The following PCDH15 variants were observed in gnomAD, a reference collection of about 807,000 sequenced individuals.
The protein encoded by PCDH15 is protocadherin-15.
Under a neutral mutation model 178.5 loss-of-function variants are expected in PCDH15, and 129 were observed. The observed-to-expected ratio is 0.72, with a 90% CI of 0.63 to 0.84. The LOEUF (loss-of-function observed/expected upper bound fraction) is 0.84. Among genes scored for constraint, PCDH15 ranks in the 40% least tolerant of loss-of-function variants. The pLI is 0.00. For missense variants in PCDH15, 2,230 were observed against 2,099.9 expected (o/e 1.06, Z -1.21); for synonymous variants, 800 against 732.0 (o/e 1.09, Z -1.50).
intron 1 of PCDH15, among the ~76,000 whole-genome samples, chr10:54,720,089 C>T (rs1334429851): frequency 6.6e-6 from 1 of 151,920 alleles, no homozygotes; most frequent in Non-Finnish European, 1.5e-5. Flanking sequence ...CTTTTACACT[C>T]TTGGTGGGTA....
intron 3 of PCDH15, among the ~76,000 whole-genome samples, chr10:54,421,858 TATATACACACACTATATATATATATAC>T (rs1565231241): frequency 5.6e-5 from 5 of 89,986 alleles, no homozygotes; most frequent in African/African-American, 1.5e-4. Flanking sequence ...TATATATATA[TATATACACACACTATATATATATATAC>T]ACACACACAC....
chr10:53,970,806 C>T (rs2089602868), intron 21 of PCDH15, among the ~76,000 whole-genome samples: 1 of 151,968 alleles, frequency 6.6e-6, no homozygotes, highest in South Asian at 2.1e-4. Flanking sequence ...AATAGCCTAC[C>T]AACCAAAAAA....
intron 3 of PCDH15, among the ~76,000 whole-genome samples, chr10:54,421,708 A>C (rs1955389696): frequency 7.5e-6 from 1 of 133,230 alleles, no homozygotes; most frequent in Non-Finnish European, 1.6e-5. Flanking sequence ...ACACACACAC[A>C]CACTATATAT....
At chr10:54,166,937 C>A (rs992635115) in intron 13 of PCDH15, among the ~76,000 whole-genome samples, 3 of 152,172 alleles carry the variant, frequency 2.0e-5, no homozygotes, top group Admixed American at 1.3e-4. Context: ...CCCACTCCTG[C>A]CCGCCAGAGA....
chr10:54,711,325 T>C (rs1336394099), intron 1 of PCDH15, among the ~76,000 whole-genome samples: 1 of 152,006 alleles, frequency 6.6e-6, no homozygotes, highest in Non-Finnish European at 1.5e-5. Flanking sequence ...AACATATCTT[T>C]TGAATGCTGA....
At chr10:53,821,801 C>A in intron 32 of PCDH15, 1 of 1,602,104 alleles carries the variant, frequency 6.2e-7, no homozygotes, top group South Asian at 1.1e-5. Context: ...ATTTGATGTT[C>A]AACTTGAAGA....
chr10:54,873,695 TTATATA>T (rs4019624), intron 3 of PCDH15, among the ~76,000 whole-genome samples: 4 of 138,928 alleles, frequency 2.9e-5, no homozygotes, highest in African/African-American at 1.1e-4. Flanking sequence ...CTGCTGTATT[TTATATA>T]TATATATATA....
In PCDH15 at chr10:54,572,331, T is replaced by C. The variant is rs966580648; in HGVS notation, c.92-44454A>G. ...AGCAGGTGTGCCATAATGAGTGATA[T>C]TATTTATAACATCAAACGCTAGGAG... is the stretch of plus-strand genomic sequence containing the variant. On this transcript the variant is annotated intron_variant, in intron 2 of 37. Coordinates refer to ENST00000644397, the MANE Select transcript of PCDH15 (RefSeq NM_001384140.1). Among the ~76,000 whole-genome samples, 6 of 152,194 alleles carry C rather than the reference T, an allele frequency of 3.9e-5. No individual in the cohort carries two copies. The East Asian group carries it at 5.8e-4, about 15-fold the overall frequency.
intron 2 of PCDH15, among the ~76,000 whole-genome samples, chr10:54,560,007 A>G (rs934881868): frequency 3.3e-5 from 5 of 151,988 alleles, no homozygotes; most frequent in African/African-American, 1.2e-4. Flanking sequence ...TATTGGGAAA[A>G]GAGATCAATT....
At chr10:55,128,515 T>A (rs910804173) in intron 2 of PCDH15, among the ~76,000 whole-genome samples, 13 of 152,168 alleles carry the variant, frequency 8.5e-5, no homozygotes, top group African/African-American at 3.1e-4. Context: ...TTTTTATGTA[T>A]CTAAAATGAT....
At position 53,885,400 on chromosome 10, in the gene PCDH15, A is replaced by T. The variant is rs995250576; in HGVS notation, c.3501+17843T>A. Among the ~76,000 whole-genome samples the T allele has an allele frequency of 5.7e-5, 7 of 122,910 alleles. No individual in the cohort carries two copies. In the South Asian group the frequency reaches 1.3e-3, roughly 23 times the overall value. The allele number at this position is 122,910 out of a possible 152,430, so 80.6% of individuals were successfully genotyped here. Reference sequence around the variant, plus strand: ...CCAAAAAACCTTCAATATGCCTTTTAAAAAAAAGAAATATTATTTTAAAAA... The same window carrying T: ...CCAAAAAACCTTCAATATGCCTTTTTAAAAAAAGAAATATTATTTTAAAAA... On this transcript the variant is annotated intron_variant, in intron 26 of 37. Transcript: ENST00000644397.
chr10:55,159,288 A>C (rs1382155477), intron 2 of PCDH15, among the ~76,000 whole-genome samples: 1 of 149,488 alleles, frequency 6.7e-6, no homozygotes, highest in Admixed American at 6.7e-5. Flanking sequence ...GTATCTATCT[A>C]TATATAGTTA....
At chr10:54,072,529 G>A (rs1590238793) in intron 17 of PCDH15, among the ~76,000 whole-genome samples, 1 of 152,108 alleles carries the variant, frequency 6.6e-6, no homozygotes, top group Non-Finnish European at 1.5e-5. Flanking sequence ...ATTACGGGAA[G>A]GAGAAAGGGA....
At chr10:55,394,580 A>C (rs963430959) in intron 2 of PCDH15, among the ~76,000 whole-genome samples, 15 of 152,022 alleles carry the variant, frequency 9.9e-5, no homozygotes, top group Admixed American at 5.9e-4. Context: ...CCTATTTTAC[A>C]TGAAAGAGAC....
chr10:55,202,424 G>A (rs1449191404), intron 1 of PCDH15, among the ~76,000 whole-genome samples: 1 of 152,048 alleles, frequency 6.6e-6, no homozygotes, highest in Non-Finnish European at 1.5e-5. Flanking sequence ...TAGGCCTAAA[G>A]ATAATATAGT....
At chr10:55,008,133 T>A (rs1251088781) in intron 2 of PCDH15, among the ~76,000 whole-genome samples, 1 of 152,096 alleles carries the variant, frequency 6.6e-6, no homozygotes, top group Non-Finnish European at 1.5e-5. Context: ...ATAGTAGTTT[T>A]CAAAATGCCT....
At chr10:55,008,142 C>G (rs1323912873) in intron 2 of PCDH15, among the ~76,000 whole-genome samples, 3 of 151,834 alleles carry the variant, frequency 2.0e-5, no homozygotes, top group Non-Finnish European at 2.9e-5. Flanking sequence ...TTCAAAATGC[C>G]TAAAGTTGCA....
intron 2 of PCDH15, among the ~76,000 whole-genome samples, chr10:55,549,324 C>T (rs1266217450): frequency 3.9e-5 from 6 of 151,902 alleles, no homozygotes; most frequent in South Asian, 4.2e-4. Context: ...ACTTACAGCC[C>T]GTTACACATG....
intron 17 of PCDH15, among the ~76,000 whole-genome samples, chr10:54,070,441 CA>C (rs2094217712): frequency 6.6e-6 from 1 of 152,194 alleles, no homozygotes; most frequent in African/African-American, 2.4e-5. Flanking sequence ...TGACCTCAAA[CA>C]ATCTGTCCGC....
Sources: allele counts gnomAD v4.1 joint callset (sites outside exome capture counted in the v4.1 genomes callset), GRCh38; gene constraint gnomAD v4.1.1; transcripts MANE v1.5; gene names NCBI Gene and HGNC (gene_info 2026-07-23, HGNC 2026-07-21).